GPRC6A: variants seen among roughly 807,000 people sequenced by gnomAD.
GPRC6A encodes the protein G protein-coupled receptor family C group 6 member A.
Under a neutral mutation model 47.0 loss-of-function variants are expected in GPRC6A, and 54 were observed. That is an observed-to-expected ratio of 1.15 (90% CI 0.92 to 1.44). GPRC6A has a LOEUF of 1.44. Among genes scored for constraint, GPRC6A ranks in the 40% most tolerant of loss-of-function variants. The pLI is 0.00. For missense variants in GPRC6A, 1,112 were observed against 1,105.5 expected (o/e 1.01, Z -0.08); for synonymous variants, 347 against 377.1 (o/e 0.92, Z 0.93).
intron 1 of GPRC6A, among the ~76,000 whole-genome samples, chr6:116,821,853 G>C (rs1773495154): frequency 6.6e-6 from 1 of 150,978 alleles, no homozygotes; most frequent in South Asian, 2.1e-4. Flanking sequence ...AGCCAAAATT[G>C]ACAAATGGGA....
intron 3 of GPRC6A, among the ~76,000 whole-genome samples, chr6:116,804,339 A>G (rs1388186637): frequency 6.6e-6 from 1 of 152,048 alleles, no homozygotes; most frequent in African/African-American, 2.4e-5. Context: ...ACCCCTTTAA[A>G]ATTATTTGCA....
chr6:116,810,825 T>C (rs900258837), intron 1 of GPRC6A, among the ~76,000 whole-genome samples: 3 of 152,052 alleles, frequency 2.0e-5, no homozygotes, highest in African/African-American at 4.8e-5. Flanking sequence ...CAGCTCATCA[T>C]TGGCACAACC....
At chr6:116,817,645 C>T (rs1773274537) in intron 1 of GPRC6A, among the ~76,000 whole-genome samples, 1 of 151,950 alleles carries the variant, frequency 6.6e-6, no homozygotes, top group South Asian at 2.1e-4. Flanking sequence ...AAAATTTAGA[C>T]AAATGTATAG....
chr6:116,827,105 T>C lies in GPRC6A; in HGVS notation c.194+1715A>G, dbSNP rs552613201. ...AGGTAGGTTAGTGGGTATAAACATATAGTTAGATAAAAGATAGAAGTTCAA... is the reference window on the plus strand; with the variant it reads ...AGGTAGGTTAGTGGGTATAAACATACAGTTAGATAAAAGATAGAAGTTCAA... On this transcript the variant is annotated intron_variant, in intron 1 of 5. Transcript: ENST00000310357. Among the ~76,000 whole-genome samples, 8 of 151,884 alleles carry C rather than the reference T, an allele frequency of 5.3e-5. No individual in the cohort carries two copies. In the South Asian group the frequency reaches 1.7e-3, roughly 32 times the overall value.
chr6:116,794,068 G>T (rs1202029564), intron 5 of GPRC6A, among the ~76,000 whole-genome samples: 1 of 152,114 alleles, frequency 6.6e-6, no homozygotes, highest in Non-Finnish European at 1.5e-5. Context: ...TTAGAGTTTT[G>T]TCTCTAGAAG....
At chr6:116,802,848 G>A (rs1343734163) in intron 3 of GPRC6A, among the ~76,000 whole-genome samples, 4 of 152,192 alleles carry the variant, frequency 2.6e-5, no homozygotes, top group Non-Finnish European at 2.9e-5. Flanking sequence ...GATGAGTCCT[G>A]TCGGCCTACC....
At position 116,817,859 on chromosome 6, in the gene GPRC6A, C is replaced by T. The variant is rs541186296; in HGVS notation, c.195-8242G>A. Among the ~76,000 whole-genome samples the T allele has an allele frequency of 2.9e-3, 443 of 152,172 alleles. 1 individual carries two copies. The highest frequency in any genetic ancestry group is 0.01 in the African/African-American group (424 of 41,518). ...AAGAATAAAAAGAAATGAGCAAAGCCTCCAAGAAATATGGGACTATGTGAA... is the reference window on the plus strand; with the variant it reads ...AAGAATAAAAAGAAATGAGCAAAGCTTCCAAGAAATATGGGACTATGTGAA... On this transcript the variant is annotated intron_variant, in intron 1 of 5. Coordinates refer to ENST00000310357, the MANE Select transcript of GPRC6A (RefSeq NM_148963.4).
chr6:116,826,522 G>GACAAAAACAAAACAAAA (rs1297453779), intron 1 of GPRC6A, among the ~76,000 whole-genome samples: 1 of 151,574 alleles, frequency 6.6e-6, no homozygotes, highest in Non-Finnish European at 1.5e-5. Flanking sequence ...TTACTAAAAA[G>GACAAAAACAAAACAAAA]ACAAAAACAA....
chr6:116,799,437 G>T (rs145294511), intron 4 of GPRC6A, among the ~76,000 whole-genome samples: 3 of 152,256 alleles, frequency 2.0e-5, no homozygotes, highest in Admixed American at 6.5e-5. Flanking sequence ...AAGATACACA[G>T]GAAGAAAATC....
At position 116,793,199 on chromosome 6, in the gene GPRC6A, C is replaced by A. The variant is rs773407928; in HGVS notation, c.1724G>T (p.Arg575Met). 3 of 1,608,902 alleles carry A rather than the reference C, an allele frequency of 1.9e-6. No individual in the cohort carries two copies. In the East Asian group the frequency reaches 6.7e-5, roughly 36 times the overall value. Residue 575 changes from arginine to methionine, a missense_variant, in exon 6 of 6, where the codon AGG becomes ATG. Arg to Met is a moderately conservative substitution (Grantham distance 91). Transcript: ENST00000310357. The stretch of plus-strand genomic sequence containing the variant: ...TTCCTTTTCAAAGCACATAGTGCTC[C>A]TAACAGGGGCCCAGTGAGTTTTGTT... ...CNNKTHWAPV[R>M]STMCFEKEVE...
At chr6:116,809,650 A>G (rs1772965013) in intron 1 of GPRC6A, 33 bp from the exon 2 acceptor site, 9 of 1,496,628 alleles carry the variant, frequency 6.0e-6, no homozygotes, top group Non-Finnish European at 8.3e-6. Flanking sequence ...TGAAATCAGA[A>G]CATAACTCTT....
At chr6:116,801,519 C>T (rs1447490722) in intron 3 of GPRC6A, among the ~76,000 whole-genome samples, 1 of 151,996 alleles carries the variant, frequency 6.6e-6, no homozygotes, top group Non-Finnish European at 1.5e-5. Context: ...TTCATAATGG[C>T]CCATTTATTA....
At chr6:116,807,312 T>C (rs189075654) in intron 2 of GPRC6A, 106 bp from the exon 3 acceptor site, 1 of 690,802 alleles carries the variant, frequency 1.4e-6, no homozygotes, top group East Asian at 2.5e-5. Context: ...TGACTTTCCT[T>C]AAATTCTCTA....
intron 4 of GPRC6A, among the ~76,000 whole-genome samples, chr6:116,799,093 A>C (rs1335124860): frequency 2.0e-5 from 3 of 152,122 alleles, no homozygotes; most frequent in Admixed American, 6.6e-5. Flanking sequence ...TTTTCTCATG[A>C]GCAACTAGGA....
chr6:116,798,597 T>C (rs2114582722), intron 4 of GPRC6A, among the ~76,000 whole-genome samples: 1 of 152,104 alleles, frequency 6.6e-6, no homozygotes, highest in Middle Eastern at 3.4e-3. Context: ...GAAAACAGAC[T>C]GAAGGGGGCT....
intron 5 of GPRC6A, among the ~76,000 whole-genome samples, chr6:116,794,172 C>T (rs117559346): frequency 1.3e-5 from 2 of 152,272 alleles, no homozygotes; most frequent in East Asian, 3.9e-4. Flanking sequence ...TCTGATGACA[C>T]CCCACAGCCT....
At chr6:116,818,490 C>T (rs1362380561) in intron 1 of GPRC6A, among the ~76,000 whole-genome samples, 51 of 110,810 alleles carry the variant, frequency 4.6e-4, no homozygotes, top group African/African-American at 1.5e-3. Flanking sequence ...GCCGAGATCC[C>T]GCCACTGCAC....
intron 1 of GPRC6A, among the ~76,000 whole-genome samples, chr6:116,827,261 C>T (rs117896373): frequency 6.6e-6 from 1 of 151,976 alleles, no homozygotes; most frequent in Non-Finnish European, 1.5e-5. Flanking sequence ...CCTCAAAAAG[C>T]CTGACTTGAT....
chr6:116,811,379 A>C (rs1773019412), intron 1 of GPRC6A, among the ~76,000 whole-genome samples: 1 of 152,118 alleles, frequency 6.6e-6, no homozygotes, highest in East Asian at 1.9e-4. Context: ...ACATAAGAAC[A>C]CAGGAAACAT....
Sources: gnomAD v4.1 joint callset for allele counts (sites outside exome capture counted in the v4.1 genomes callset) on GRCh38, gnomAD v4.1.1 for gene constraint, MANE v1.5 for transcripts, NCBI Gene and HGNC (gene_info 2026-07-23, HGNC 2026-07-21) for gene names.